Variants in CCDC171 observed in about 807,000 individuals in gnomAD.
The protein encoded by CCDC171 is coiled-coil domain-containing protein 171.
Under a neutral mutation model 168.2 loss-of-function variants are expected in CCDC171, and 177 were observed. That is an observed-to-expected ratio of 1.05 (90% confidence interval 0.93 to 1.19). CCDC171 has a LOEUF of 1.19. Ranked by LOEUF, CCDC171 falls within the 50% of genes most tolerant of loss-of-function variation. The pLI is 0.00. For synonymous variants in CCDC171, 687 were observed against 540.8 expected, an observed-to-expected ratio of 1.27 and a Z score of -3.75; for missense variants, 1,991 against 1,539.0, an observed-to-expected ratio of 1.29 and a Z score of -4.91.
the CCDC171 span, among the ~76,000 whole-genome samples, chr9:16,079,757 T>C: frequency 6.6e-6 from 1 of 152,220 alleles, no homozygotes; most frequent in African/African-American, 2.4e-5. Context: ...CTGATACGCA[T>C]GGAATCTCTG....
At chr9:15,822,430 C>T (rs1052904443) in intron 21 of CCDC171, among the ~76,000 whole-genome samples, 30 of 151,750 alleles carry the variant, frequency 2.0e-4, no homozygotes, top group African/African-American at 7.0e-4. Flanking sequence ...TTGCAACCTA[C>T]TCATCTGACA....
intron 7 of CCDC171, 62 bp downstream of exon 7, chr9:15,623,475 G>GCTCGCGCGCGCGCGCGCACACACA: frequency 3.4e-6 from 1 of 293,710 alleles, no homozygotes; most frequent in Admixed American, 5.3e-5. Context: ...GCGCGCGCGC[G>GCTCGCGCGCGCGCGCGCACACACA]CACACACACA....
chr9:15,786,684 G>A (rs996068597), intron 21 of CCDC171, among the ~76,000 whole-genome samples: 1 of 152,058 alleles, frequency 6.6e-6, no homozygotes, highest in South Asian at 2.1e-4. Context: ...TGGAGCAGCT[G>A]AAAAACCACA....
At chr9:16,078,671 C>G in the CCDC171 span, among the ~76,000 whole-genome samples, 1 of 152,084 alleles carries the variant, frequency 6.6e-6, no homozygotes, top group South Asian at 2.1e-4. Flanking sequence ...ACTTATTAAA[C>G]CTAGTCATAG....
chr9:15,733,674 C>A (rs2054295087), intron 16 of CCDC171, among the ~76,000 whole-genome samples: 1 of 151,998 alleles, frequency 6.6e-6, no homozygotes, highest in Admixed American at 6.6e-5. Flanking sequence ...CTGATTTAAC[C>A]TTTTACTAAG....
At chr9:15,726,996 A>G (rs1413832360) in intron 14 of CCDC171, among the ~76,000 whole-genome samples, 1 of 152,144 alleles carries the variant, frequency 6.6e-6, no homozygotes, top group African/African-American at 2.4e-5. Flanking sequence ...TTCAAATGTG[A>G]TCTGCTTTAT....
At chr9:15,605,515 TAAAAAAA>T (rs71325923) in intron 6 of CCDC171, among the ~76,000 whole-genome samples, 2 of 99,156 alleles carry the variant, frequency 2.0e-5, no homozygotes, top group African/African-American at 8.2e-5. Flanking sequence ...CTGTCTCTAC[TAAAAAAA>T]AAAAAAAAAA....
rs1281802758 is a variant in CCDC171 at position 15,973,036 on chromosome 9, C to T, written c.*1200C>T. 2 of 152,150 alleles carry T rather than the reference C, an allele frequency of 1.3e-5. No individual in the cohort carries two copies. The highest frequency in any genetic ancestry group is 2.9e-5 in the Non-Finnish European group (2 of 68,034). 9.4% of individuals were successfully genotyped at this position (152,150 alleles called of 1,614,324 possible). A position where few individuals can be genotyped will look rare whatever the true frequency, so the allele number is the denominator to read the frequency against. ...TATCGCTAGACAGACTGTTCTTTAT[C>T]GCCTTCAGAAGATCAGACATTGACA... On this transcript the variant is annotated 3_prime_UTR_variant, in exon 26 of 26. Coordinates refer to ENST00000380701, the MANE Select transcript of CCDC171 (RefSeq NM_173550.4).
chr9:15,555,880 G>C (rs2038752229), intron 1 of CCDC171, among the ~76,000 whole-genome samples: 2 of 151,524 alleles, frequency 1.3e-5, no homozygotes, highest in African/African-American at 4.9e-5. Flanking sequence ...TCCCCACCCT[G>C]TGTCCAAGTA....
chr9:16,002,800 T>C (rs1263919513), intron 3 of CCDC171, among the ~76,000 whole-genome samples: 1 of 152,200 alleles, frequency 6.6e-6, no homozygotes, highest in African/African-American at 2.4e-5. Context: ...TTTTATCTTT[T>C]ATACCATGTT....
chr9:15,887,612 C>T (rs951552484), intron 24 of CCDC171, among the ~76,000 whole-genome samples: 6 of 152,042 alleles, frequency 3.9e-5, no homozygotes, highest in Non-Finnish European at 5.9e-5. Context: ...AATTTCTACA[C>T]GTTTGTAGAC....
At chr9:15,844,205 T>G (rs1483065391) in intron 21 of CCDC171, among the ~76,000 whole-genome samples, 1 of 152,006 alleles carries the variant, frequency 6.6e-6, no homozygotes, top group East Asian at 1.9e-4. Flanking sequence ...TTAGAGTCCA[T>G]AAAGTTTATC....
intron 8 of CCDC171, among the ~76,000 whole-genome samples, chr9:15,665,132 T>A (rs958020792): frequency 1.8e-4 from 28 of 152,168 alleles, no homozygotes; most frequent in African/African-American, 4.3e-4. Flanking sequence ...CATTTTTTTT[T>A]AAATTTTTTA....
intron 4 of CCDC171, among the ~76,000 whole-genome samples, chr9:15,582,694 A>G (rs982290333): frequency 2.0e-5 from 3 of 151,860 alleles, no homozygotes; most frequent in African/African-American, 7.2e-5. Flanking sequence ...AGAAAACCAA[A>G]CAGCGCATGT....
intron 6 of CCDC171, among the ~76,000 whole-genome samples, chr9:15,616,599 G>A (rs2044101895): frequency 6.6e-6 from 1 of 152,056 alleles, no homozygotes; most frequent in East Asian, 1.9e-4. Context: ...AAGTAGACAA[G>A]TATGTAAGTC....
At chr9:15,964,861 A>T (rs1830649869) in intron 25 of CCDC171, among the ~76,000 whole-genome samples, 1 of 152,116 alleles carries the variant, frequency 6.6e-6, no homozygotes, top group African/African-American at 2.4e-5. Context: ...CCTGGGTTCG[A>T]GCGATTCTCC....
intron 25 of CCDC171, among the ~76,000 whole-genome samples, chr9:15,969,820 G>A (rs910906409): frequency 6.6e-6 from 1 of 152,092 alleles, no homozygotes; most frequent in East Asian, 1.9e-4. Context: ...ATCCAGTAAT[G>A]ACACTGCTAA....
chr9:15,639,054 T>A (rs2046404543), intron 7 of CCDC171, among the ~76,000 whole-genome samples: 1 of 152,070 alleles, frequency 6.6e-6, no homozygotes, highest in South Asian at 2.1e-4. Flanking sequence ...TTCTATATTA[T>A]AGTAACATAA....
chr9:16,051,482 C>G (rs945619902), intron 1 of CCDC171, among the ~76,000 whole-genome samples: 3 of 152,204 alleles, frequency 2.0e-5, no homozygotes, highest in Non-Finnish European at 4.4e-5. Flanking sequence ...AGCTGTCTCT[C>G]TGGGTTCTAC....
Sources: allele counts gnomAD v4.1 joint callset (sites outside exome capture counted in the v4.1 genomes callset), GRCh38; gene constraint gnomAD v4.1.1; transcripts MANE v1.5; gene names NCBI Gene and HGNC (gene_info 2026-07-23, HGNC 2026-07-21).